DCAF4: variants seen among roughly 807,000 people sequenced by gnomAD.
DCAF4 encodes the protein DDB1 and CUL4 associated factor 4, also known as DDB1- and CUL4-associated factor 4.
DCAF4 carries 37 observed loss-of-function variants against 60.9 expected under a neutral mutation model. The ratio of observed to expected loss-of-function variants is 0.61; its 90% CI spans 0.47 to 0.80. The LOEUF (loss-of-function observed/expected upper bound fraction) is 0.80. Ranked by LOEUF, DCAF4 falls within the 30% of genes least tolerant of loss-of-function variation. The probability of loss-of-function intolerance (pLI) is 0.00; values close to 1 mark genes in which losing one functional copy is unlikely to be tolerated. For synonymous variants in DCAF4, 243 were observed against 254.8 expected (o/e 0.95, Z 0.44); for missense variants, 577 against 650.0 (o/e 0.89, Z 1.22).
downstream of DCAF4, chr14:72,961,924 T>A: frequency 8.7e-7 from 1 of 1,144,744 alleles, no homozygotes; most frequent in Non-Finnish European, 1.1e-6. Context: ...AAGGTTTGGC[T>A]ACCGCGGGAA....
intron 12 of DCAF4, 113 bp downstream of exon 12, chr14:72,955,809 C>T (rs1259655398): frequency 2.6e-5 from 26 of 999,152 alleles, no homozygotes; most frequent in South Asian, 4.7e-5. Context: ...AGGGGAATTT[C>T]GCTGAAGACC....
chr14:72,932,477 C>A lies in DCAF4; in HGVS notation c.-8-5494C>A, dbSNP rs140837866. Among the ~76,000 whole-genome samples, 37 of 152,286 alleles carry A rather than the reference C, an allele frequency of 2.4e-4. No homozygotes were observed. The East Asian group carries it at 6.7e-3, about 28-fold the overall frequency. ...TATTTTCCAGTCATTTTCCAAAAAACCAAATTGTGTTTATTTGTGATTAAC... is the reference window on the plus strand; with the variant it reads ...TATTTTCCAGTCATTTTCCAAAAAAACAAATTGTGTTTATTTGTGATTAAC... On this transcript the variant is annotated intron_variant, in intron 1 of 13. Coordinates refer to ENST00000358377, the MANE Select transcript of DCAF4 (RefSeq NM_015604.4).
chr14:72,934,436 G>A (rs922895944), intron 1 of DCAF4, among the ~76,000 whole-genome samples: 6 of 152,034 alleles, frequency 3.9e-5, no homozygotes, highest in East Asian at 1.9e-4. Flanking sequence ...TTACAGGTGT[G>A]AGCCACTGCA....
chr14:72,930,052 G>C, intron 1 of DCAF4: 1 of 554,970 alleles, frequency 1.8e-6, no homozygotes, highest in Non-Finnish European at 3.2e-6. Flanking sequence ...GACGGCTTGA[G>C]CCGGGGAGAT....
Position 72,943,060 on chromosome 14 carries a change from C to G in DCAF4, c.498C>G (p.Pro166=), listed in dbSNP as rs760151102. The change falls in exon 6 of 14, where the codon CCC becomes CCG. Residue 166 remains proline (P), a synonymous_variant. Coordinates refer to ENST00000358377, the MANE Select transcript of DCAF4 (RefSeq NM_015604.4). The part of the protein sequence containing the change: ...RKKVQIRSMD[P]SALASDRFNL... ...AGGTCCAGATTCGAAGCATGGATCC[C>G]TCCGCCTTGGCAAGCGACCGATTTA... The G allele has an allele frequency of 1.2e-6, 2 of 1,614,218 alleles. No individual in the cohort carries two copies. Among genetic ancestry groups the G allele is most frequent in the Admixed American group, 3.3e-5 (2 of 60,020 alleles).
chr14:72,953,826 G>GTGTGTGTGTGTATGTGTA (rs1306436881), intron 9 of DCAF4, among the ~76,000 whole-genome samples: 4 of 86,586 alleles, frequency 4.6e-5, no homozygotes, highest in African/African-American at 1.8e-4. Flanking sequence ...GTGTGTGTGT[G>GTGTGTGTGTGTATGTGTA]TGTATATACA....
At chr14:72,960,037 C>A (rs1892743191), downstream of DCAF4, among the ~76,000 whole-genome samples, 1 of 152,190 alleles carries the variant, frequency 6.6e-6, no homozygotes, top group South Asian at 2.1e-4. Context: ...AGACCTACAG[C>A]TGGTCATCAC....
intron 1 of DCAF4, among the ~76,000 whole-genome samples, chr14:72,932,874 A>AT (rs1004185518): frequency 6.9e-6 from 1 of 144,760 alleles, no homozygotes; most frequent in Non-Finnish European, 1.5e-5. Flanking sequence ...CAGCTGAATA[A>AT]TTTTTTTTTC....
intron 8 of DCAF4, among the ~76,000 whole-genome samples, chr14:72,950,429 G>A (rs938176909): frequency 5.3e-5 from 8 of 152,154 alleles, no homozygotes; most frequent in Non-Finnish European, 8.8e-5. Context: ...GAACTGGAAT[G>A]TTTCCATCAG....
chr14:72,954,332 T>A (rs972947796), intron 10 of DCAF4, 54 bp from the exon 11 acceptor site: 1 of 1,611,682 alleles, frequency 6.2e-7, no homozygotes, highest in African/African-American at 1.3e-5. Flanking sequence ...TAGTTGTCCC[T>A]CTCCCCAGAC....
downstream of DCAF4, chr14:72,959,716 C>T (rs1892720199): frequency 1.1e-5 from 11 of 959,768 alleles, no homozygotes; most frequent in Non-Finnish European, 1.2e-5. Flanking sequence ...GACCAGCTTT[C>T]ATAGCCTTCC....
chr14:72,930,320 A>AT (rs1468708672), intron 1 of DCAF4, among the ~76,000 whole-genome samples: 1 of 151,602 alleles, frequency 6.6e-6, no homozygotes. Context: ...CCAGGCTGCA[A>AT]TGCAGTGGCA....
intron 1 of DCAF4, among the ~76,000 whole-genome samples, chr14:72,936,169 A>G (rs1268110784): frequency 6.6e-6 from 1 of 152,182 alleles, no homozygotes. Context: ...TTAACTATTA[A>G]TAAATACAAC....
At chr14:72,928,538 G>A (rs1252450102) in intron 1 of DCAF4, among the ~76,000 whole-genome samples, 1 of 150,694 alleles carries the variant, frequency 6.6e-6, no homozygotes, top group African/African-American at 2.5e-5. Context: ...TGGATATCTA[G>A]GATGTTTCTC....
chr14:72,940,974 G>GTT (rs11463723), intron 4 of DCAF4, among the ~76,000 whole-genome samples: 30 of 151,354 alleles, frequency 2.0e-4, no homozygotes, highest in East Asian at 7.9e-4. Context: ...GTTTTTTGGG[G>GTT]TTTTTTTGAG....
intron 8 of DCAF4, among the ~76,000 whole-genome samples, chr14:72,951,000 A>G (rs1326044854): frequency 6.6e-6 from 1 of 151,876 alleles, no homozygotes; most frequent in Non-Finnish European, 1.5e-5. Context: ...TTTATTTTTG[A>G]GACATGGTCT....
At chr14:72,946,793 C>T (rs952754541) in intron 7 of DCAF4, among the ~76,000 whole-genome samples, 1 of 152,188 alleles carries the variant, frequency 6.6e-6, no homozygotes, top group Admixed American at 6.5e-5. Context: ...ACTTGCTATT[C>T]AGTTGAAGCA....
At chr14:72,939,159 G>C (rs1889692297) in intron 2 of DCAF4, among the ~76,000 whole-genome samples, 1 of 152,154 alleles carries the variant, frequency 6.6e-6, no homozygotes, top group African/African-American at 2.4e-5. Context: ...TTTGAGACCA[G>C]TCTGGCCAAC....
chr14:72,929,987 C>T lies in DCAF4; in HGVS notation c.-9+3444C>T. Reference sequence around the variant, plus strand: ...AGGCCAAAAATATTTTTTAAATTAGCCTGGTGTTGTGGCTCGTGCCTGTAA... The same window carrying T: ...AGGCCAAAAATATTTTTTAAATTAGTCTGGTGTTGTGGCTCGTGCCTGTAA... On this transcript the variant is annotated intron_variant, in intron 1 of 13. Transcript: ENST00000358377. 4 of 681,934 alleles carry T rather than the reference C, an allele frequency of 5.9e-6. No individual in the cohort carries two copies. The East Asian group carries it at 1.1e-4, about 19-fold the overall frequency. 42.2% of individuals were successfully genotyped at this position (681,934 alleles called of 1,614,324 possible).
Sources: allele counts gnomAD v4.1 joint callset (sites outside exome capture counted in the v4.1 genomes callset), GRCh38; gene constraint gnomAD v4.1.1; transcripts MANE v1.5; gene names NCBI Gene and HGNC (gene_info 2026-07-23, HGNC 2026-07-21).